Variants in LRRTM4 observed in about 807,000 individuals in gnomAD.
LRRTM4 encodes leucine rich repeat transmembrane neuronal 4.
In LRRTM4, 25 loss-of-function variants were observed where a neutral mutation model predicts 47.6. That is an observed-to-expected ratio of 0.53 (90% CI 0.38 to 0.73). The LOEUF (loss-of-function observed/expected upper bound fraction) is 0.73, where lower values mean the gene tolerates loss of function less well. LRRTM4 is among the 30% of genes least tolerant of loss of function. The pLI is 0.00. For missense variants in LRRTM4, 638 were observed against 713.4 expected, an observed-to-expected ratio of 0.89 and a Z score of 1.20; for synonymous variants, 311 against 269.5, an observed-to-expected ratio of 1.15 and a Z score of -1.51.
At chr2:76,901,564 G>A (rs1475285024) in intron 3 of LRRTM4, among the ~76,000 whole-genome samples, 2 of 151,888 alleles carry the variant, frequency 1.3e-5, no homozygotes, top group African/African-American at 4.8e-5. Flanking sequence ...AAACCTCTTA[G>A]TACTTTTAAG....
chr2:77,519,303 C>T lies in LRRTM4; in HGVS notation c.566G>A (p.Gly189Asp). The change falls in exon 3 of 4, where the codon GGT (glycine) becomes GAT (aspartate). Residue 189 changes from glycine to aspartate, a missense_variant. Transcript: ENST00000409884. The surrounding 1 kb of genome is among the most constrained non-coding windows in gnomAD (Gnocchi z 4.6). Reference protein sequence around the residue: ...DCRNLDFLDLGYNRLRSLSRN... With the variant: ...DCRNLDFLDLDYNRLRSLSRN... ...GGACAAGCTTCGAAGACGATTGTAA[C>T]CCAAATCCAAAAAATCAAGATTCCG... 6.2e-7 allele frequency: 1 copy of T among 1,613,416 alleles called. No individual in the cohort carries two copies.
chr2:77,157,778 C>T (rs191175786), intron 3 of LRRTM4, among the ~76,000 whole-genome samples: 3 of 152,194 alleles, frequency 2.0e-5, no homozygotes. Context: ...AACGATTGAA[C>T]CTGAGTGTGA....
Position 77,516,810 on chromosome 2 carries a change from A to G in LRRTM4, c.1551+1508T>C, listed in dbSNP as rs1028891930. ...AATGAATTCTTTGAAGAACAGTTCA[A>G]TAGTCCAAATTGTACTGAGTTAGAG... On this transcript the variant is annotated intron_variant, in intron 3 of 3. Coordinates refer to ENST00000409884, the MANE Select transcript of LRRTM4 (RefSeq NM_001134745.3). 5.4e-5 allele frequency: 53 copies of G among 982,026 alleles called. 1 individual carries two copies. Among genetic ancestry groups the G allele is most frequent in the African/African-American group, 4.4e-4 (25 of 57,250 alleles). The allele number at this position is 982,026 out of a possible 1,614,324, so 60.8% of individuals were successfully genotyped here. A position where few individuals can be genotyped will look rare whatever the true frequency, so the allele number is the denominator to read the frequency against.
At chr2:77,076,128 G>A (rs541908041) in intron 3 of LRRTM4, among the ~76,000 whole-genome samples, 5 of 152,126 alleles carry the variant, frequency 3.3e-5, no homozygotes, top group Non-Finnish European at 4.4e-5. Context: ...ATTCTTTGAA[G>A]AGAAAGATGC....
At chr2:77,357,989 A>G (rs1672033690) in intron 3 of LRRTM4, among the ~76,000 whole-genome samples, 1 of 152,178 alleles carries the variant, frequency 6.6e-6, no homozygotes, top group South Asian at 2.1e-4. Flanking sequence ...TAGAATATAA[A>G]CCATATATAC....
rs141285471 is a variant in LRRTM4, at chr2:77,127,623, C to T, written c.1552-378707G>A. 1.2e-3 allele frequency among the ~76,000 whole-genome samples: 177 copies of T among 152,226 alleles called. 1 individual carries two copies. The highest frequency in any genetic ancestry group is 1.4e-3 in the Non-Finnish European group (97 of 68,004). ...CTCTCTTCTCTCTCTCTCCCTCTAA[C>T]CACTCTTTGTCATCACTTACTGTTT... On this transcript the variant is annotated intron_variant, in intron 3 of 3. Coordinates refer to ENST00000409884, the MANE Select transcript of LRRTM4 (RefSeq NM_001134745.3).
intron 3 of LRRTM4, among the ~76,000 whole-genome samples, chr2:77,203,421 C>T (rs1238631217): frequency 6.6e-6 from 1 of 152,174 alleles, no homozygotes; most frequent in East Asian, 1.9e-4. Flanking sequence ...GCACATACAA[C>T]TTGACACTGA....
chr2:77,253,800 A>G (rs916813263), intron 3 of LRRTM4, among the ~76,000 whole-genome samples: 3 of 150,334 alleles, frequency 2.0e-5, no homozygotes, highest in African/African-American at 7.6e-5. Flanking sequence ...TTTTAAAAAA[A>G]TTTTATGCAA....
intron 3 of LRRTM4, chr2:76,989,919 G>A (rs1012075428): frequency 3.3e-5 from 5 of 151,688 alleles, no homozygotes; most frequent in African/African-American, 1.2e-4. Flanking sequence ...AAAGTACATG[G>A]CACAATGGTG....
At chr2:76,828,539 A>G (rs956467678) in intron 3 of LRRTM4, among the ~76,000 whole-genome samples, 1 of 151,952 alleles carries the variant, frequency 6.6e-6, no homozygotes, top group Non-Finnish European at 1.5e-5. Context: ...TTGAGAAAGG[A>G]TAAGAGAAAT....
At chr2:76,825,787 C>T (rs886370826) in intron 3 of LRRTM4, among the ~76,000 whole-genome samples, 17 of 151,436 alleles carry the variant, frequency 1.1e-4, no homozygotes, top group African/African-American at 3.6e-4. Flanking sequence ...GGAACTGAGC[C>T]TGGAGCACTA....
intron 3 of LRRTM4, among the ~76,000 whole-genome samples, chr2:77,139,434 T>A (rs1337679741): frequency 2.6e-5 from 4 of 152,138 alleles, no homozygotes; most frequent in Non-Finnish European, 4.4e-5. Flanking sequence ...GCCTTCATGC[T>A]AAAAACTCTC....
intron 3 of LRRTM4, among the ~76,000 whole-genome samples, chr2:77,239,428 A>C (rs898854202): frequency 6.6e-6 from 1 of 151,994 alleles, no homozygotes; most frequent in African/African-American, 2.4e-5. Context: ...TCTAGATTTT[A>C]AACCCATCAT....
chr2:77,487,757 T>C (rs891940396), intron 3 of LRRTM4, among the ~76,000 whole-genome samples: 1 of 152,068 alleles, frequency 6.6e-6, no homozygotes, highest in African/African-American at 2.4e-5. Context: ...TTATGGTGCT[T>C]TTTCCAGGCC....
chr2:77,443,854 G>A (rs1164099376), intron 3 of LRRTM4, among the ~76,000 whole-genome samples: 8 of 152,044 alleles, frequency 5.3e-5, no homozygotes, highest in Admixed American at 5.3e-4. Flanking sequence ...ATCTATGGCA[G>A]TATCAGGCAG....
intron 3 of LRRTM4, among the ~76,000 whole-genome samples, chr2:77,492,408 G>C (rs944960507): frequency 2.0e-5 from 3 of 152,042 alleles, no homozygotes; most frequent in South Asian, 2.1e-4. Flanking sequence ...ACAAGCACAT[G>C]CCATCACGCC....
chr2:76,923,846 G>T (rs566057861), intron 3 of LRRTM4, among the ~76,000 whole-genome samples: 2 of 152,162 alleles, frequency 1.3e-5, no homozygotes, highest in African/African-American at 4.8e-5. Context: ...CTTGAATTAA[G>T]TATAGGGTCA....
intron 3 of LRRTM4, among the ~76,000 whole-genome samples, chr2:76,823,715 G>A (rs2138902): frequency 0.39 from 59,506 of 150,914 alleles, 13,069 homozygotes; most frequent in East Asian, 0.69. Context: ...AAGCATAAGA[G>A]AGGGGATTCA....
intron 3 of LRRTM4, among the ~76,000 whole-genome samples, chr2:77,312,527 C>T (rs1361873365): frequency 6.6e-6 from 1 of 152,076 alleles, no homozygotes; most frequent in Non-Finnish European, 1.5e-5. Context: ...TTAATTAATA[C>T]ATAAATATTC....
Sources: gnomAD v4.1 joint callset for allele counts (sites outside exome capture counted in the v4.1 genomes callset) on GRCh38, gnomAD v4.1.1 for gene constraint, Gnocchi (gnomAD v3.1) non-coding constraint, MANE v1.5 for transcripts, NCBI Gene and HGNC (gene_info 2026-07-23, HGNC 2026-07-21) for gene names.